The following PDE6C variants were observed in gnomAD, a reference collection of about 807,000 sequenced individuals.
The protein encoded by PDE6C is phosphodiesterase 6C, also known as cone cGMP-specific 3',5'-cyclic phosphodiesterase subunit alpha'.
PDE6C carries 75 observed loss-of-function variants against 113.1 expected under a neutral mutation model. That is an observed-to-expected ratio of 0.66 (90% CI 0.55 to 0.80). PDE6C has a LOEUF of 0.80. Among genes scored for constraint, PDE6C ranks in the 30% least tolerant of loss-of-function variants. The pLI is 0.00. For missense variants in PDE6C, 912 were observed against 1,038.6 expected, an observed-to-expected ratio of 0.88 and a Z score of 1.67; for synonymous variants, 375 against 363.7, an observed-to-expected ratio of 1.03 and a Z score of -0.35.
In PDE6C at chr10:93,613,775, C is replaced by A. The variant is rs905412662; in HGVS notation, c.480+570C>A. On this transcript the variant is annotated intron_variant, in intron 1 of 21. Transcript: ENST00000371447. ...AGTTCAGATGTTCAAATTTGGAATT[C>A]ATTACATATGTGAATTTAGGTGATG... Among the ~76,000 whole-genome samples the A allele has an allele frequency of 3.3e-5, 5 of 152,310 alleles. No homozygotes were observed. In the East Asian group the frequency reaches 9.6e-4, roughly 29 times the overall value.
intron 4 of PDE6C, among the ~76,000 whole-genome samples, chr10:93,624,925 G>A (rs971472684): frequency 1.2e-4 from 19 of 152,204 alleles, no homozygotes; most frequent in African/African-American, 4.6e-4. Flanking sequence ...TGGCACATAG[G>A]CATGACACAA....
chr10:93,632,468 C>T (rs140910300), intron 8 of PDE6C, among the ~76,000 whole-genome samples: 5 of 152,252 alleles, frequency 3.3e-5, no homozygotes, highest in African/African-American at 1.2e-4. Flanking sequence ...GTTTTTTGTC[C>T]TACTAATTTT....
intron 10 of PDE6C, 132 bp downstream of exon 10, chr10:93,635,772 A>G (rs2058526127): frequency 1.0e-6 from 1 of 952,974 alleles, no homozygotes; most frequent in Non-Finnish European, 1.6e-6. Context: ...ACAGGGAAGG[A>G]GGGGTTGGAA....
At chr10:93,635,237 A>G (rs998898138) in intron 9 of PDE6C, among the ~76,000 whole-genome samples, 3 of 151,948 alleles carry the variant, frequency 2.0e-5, no homozygotes, top group African/African-American at 7.3e-5. Flanking sequence ...CCCCTGCCTA[A>G]TTTTTAGGTC....
Position 93,645,970 on chromosome 10 carries a change from C to A in PDE6C, c.1858C>A (p.Pro620Thr). The change falls in exon 15 of 22, where the codon CCA becomes ACA. Residue 620 changes from proline to threonine, a missense_variant. By Grantham distance (38) the Pro-to-Thr change is conservative. Transcript: ENST00000371447. ...TTGTTTTCCTTCTAGATCCACGTCT[C>A]CATTAGCAAGACTTCATGGTTCTTC... ...NNLYQMKSTS[P>T]LARLHGSSIL... is the part of the protein sequence containing the mutation. The A allele has an allele frequency of 6.3e-7, 1 of 1,598,594 alleles. No individual in the cohort carries two copies. Among genetic ancestry groups the A allele is most frequent in the South Asian group, 1.1e-5 (1 of 90,794 alleles).
chr10:93,644,104 T>A (rs1377055196), intron 14 of PDE6C, among the ~76,000 whole-genome samples: 1 of 152,214 alleles, frequency 6.6e-6, no homozygotes, highest in Non-Finnish European at 1.5e-5. Context: ...ACTTGTTTCC[T>A]GATTAATAAA....
intron 21 of PDE6C, 30 bp downstream of exon 21, chr10:93,663,208 A>C: frequency 6.2e-7 from 1 of 1,608,072 alleles, no homozygotes; most frequent in Non-Finnish European, 8.5e-7. Flanking sequence ...TGCTCCCTGT[A>C]ATGTAGCCAG....
At chr10:93,634,452 A>C (rs753996539) in intron 8 of PDE6C, among the ~76,000 whole-genome samples, 70 of 152,266 alleles carry the variant, frequency 4.6e-4, no homozygotes, top group Non-Finnish European at 8.7e-4. Flanking sequence ...ACAAGGGATA[A>C]ATTTGCATAA....
chr10:93,657,318 C>T (rs151008616), intron 16 of PDE6C, among the ~76,000 whole-genome samples: 4 of 148,714 alleles, frequency 2.7e-5, no homozygotes, highest in East Asian at 4.0e-4. Context: ...CACGTCACCA[C>T]GCCTGGCTAA....
chr10:93,636,366 CTT>C (rs869240787), intron 10 of PDE6C, among the ~76,000 whole-genome samples: 5 of 90,610 alleles, frequency 5.5e-5, no homozygotes, highest in Admixed American at 1.1e-4. Flanking sequence ...ATTTCCCTGG[CTT>C]TGTGTGTGTG....
At chr10:93,648,300 A>G (rs1447877081) in intron 15 of PDE6C, among the ~76,000 whole-genome samples, 1 of 152,188 alleles carries the variant, frequency 6.6e-6, no homozygotes, top group Non-Finnish European at 1.5e-5. Context: ...ACCTCTCTGT[A>G]ATACCATTCA....
At chr10:93,636,368 T>TTGTGTGTG (rs56143950) in intron 10 of PDE6C, among the ~76,000 whole-genome samples, 18,719 of 140,796 alleles carry the variant, frequency 0.13, 1,410 homozygotes, top group Admixed American at 0.17. Flanking sequence ...TTCCCTGGCT[T>TTGTGTGTG]TGTGTGTGTG....
chr10:93,629,390 C>T (rs968990238), intron 8 of PDE6C, 85 bp downstream of exon 8: 49 of 1,003,142 alleles, frequency 4.9e-5, no homozygotes, highest in African/African-American at 3.7e-4. Context: ...CCCCAGAGTC[C>T]GCCTGATGCT....
chr10:93,624,264 T>C (rs1488922240), intron 4 of PDE6C, among the ~76,000 whole-genome samples: 2 of 152,324 alleles, frequency 1.3e-5, no homozygotes, highest in East Asian at 1.9e-4. Flanking sequence ...CTTTCCTTTT[T>C]TTGAGACTCT....
intron 15 of PDE6C, 112 bp from the exon 16 acceptor site, chr10:93,655,648 A>AAAAAAAAAAAAAATGTTG: frequency 1.5e-6 from 1 of 658,852 alleles, no homozygotes; most frequent in South Asian, 1.6e-5. Context: ...ACAAAAAAAA[A>AAAAAAAAAAAAAATGTTG]ACAAACAAAA....
chr10:93,629,202 T>A, intron 7 of PDE6C, 56 bp from the exon 8 acceptor site: 3 of 1,339,312 alleles, frequency 2.2e-6, no homozygotes, highest in East Asian at 4.6e-5. Flanking sequence ...GCTTTGTGGA[T>A]CAAGAGGGCT....
At chr10:93,622,375 C>T (rs951011356) in intron 4 of PDE6C, among the ~76,000 whole-genome samples, 2 of 151,968 alleles carry the variant, frequency 1.3e-5, no homozygotes, top group African/African-American at 2.4e-5. Flanking sequence ...CCTCTTCCCT[C>T]CCAATCTCCT....
Position 93,627,258 on chromosome 10 carries a change from C to CAAGAAAAAAAAAAAAAAAAAA in PDE6C, c.1071+389_1071+390insGAAAAAAAAAAAAAAAAAAAA, listed in dbSNP as rs71031524. On this transcript the variant is annotated intron_variant, in intron 7 of 21. Coordinates refer to ENST00000371447, the MANE Select transcript of PDE6C (RefSeq NM_006204.4). ...GCCTGGGCAACAAAGTGAAACTCCA[C>CAAGAAAAAAAAAAAAAAAAAA]AAAAAAAAAAAAAAAAAAAAAAAAG... 5.7e-5 allele frequency among the ~76,000 whole-genome samples: 3 copies of CAAGAAAAAAAAAAAAAAAAAA among 52,580 alleles called. 1 individual carries two copies. Among genetic ancestry groups the CAAGAAAAAAAAAAAAAAAAAA allele is most frequent in the African/African-American group, 1.3e-4 (2 of 15,868 alleles). 34.5% of individuals were successfully genotyped at this position (52,580 alleles called of 152,430 possible).
chr10:93,637,615 G>C (rs1267502234), intron 11 of PDE6C, among the ~76,000 whole-genome samples: 1 of 152,208 alleles, frequency 6.6e-6, no homozygotes, highest in Admixed American at 6.5e-5. Flanking sequence ...CGTAATTTCA[G>C]AGATTTTTTT....
Sources: allele counts gnomAD v4.1 joint callset (sites outside exome capture counted in the v4.1 genomes callset), GRCh38; gene constraint gnomAD v4.1.1; transcripts MANE v1.5; gene names NCBI Gene and HGNC (gene_info 2026-07-23, HGNC 2026-07-21).